Variants in CHRM3 observed in about 807,000 individuals in gnomAD.
CHRM3 encodes muscarinic acetylcholine receptor M3.
CHRM3 carries 11 observed loss-of-function variants against 41.8 expected under a neutral mutation model. The observed-to-expected ratio is 0.26, with a 90% CI of 0.17 to 0.44. CHRM3 has a LOEUF of 0.44. Among genes scored for constraint, CHRM3 ranks in the 20% least tolerant of loss-of-function variants. The pLI is 1.00. For missense variants in CHRM3, 571 were observed against 745.4 expected (o/e 0.77, Z 2.72); for synonymous variants, 297 against 301.4 (o/e 0.99, Z 0.15).
chr1:239,832,301 C>T (rs760100234), intron 6 of CHRM3, among the ~76,000 whole-genome samples: 7 of 152,158 alleles, frequency 4.6e-5, no homozygotes, highest in Admixed American at 2.0e-4. Flanking sequence ...CCACAGTGTG[C>T]AGAAAGCAAA....
intron 5 of CHRM3, among the ~76,000 whole-genome samples, chr1:239,801,253 T>C (rs913135432): frequency 3.3e-5 from 5 of 152,224 alleles, no homozygotes; most frequent in Non-Finnish European, 7.3e-5. Flanking sequence ...TGGCGTAGTT[T>C]ACCCCCAAAT....
chr1:239,657,056 G>A (rs1672778533), intron 4 of CHRM3, among the ~76,000 whole-genome samples: 1 of 152,126 alleles, frequency 6.6e-6, no homozygotes, highest in Non-Finnish European at 1.5e-5. Flanking sequence ...ATGCTATACT[G>A]GTACAAGGAA....
chr1:239,549,766 C>T (rs544602341), intron 3 of CHRM3, among the ~76,000 whole-genome samples: 21 of 151,690 alleles, frequency 1.4e-4, no homozygotes, highest in African/African-American at 2.2e-4. Flanking sequence ...AGCAGAATGA[C>T]GCATTTCATT....
intron 5 of CHRM3, among the ~76,000 whole-genome samples, chr1:239,813,111 C>A (rs975503803): frequency 2.6e-5 from 4 of 152,148 alleles, no homozygotes; most frequent in African/African-American, 9.7e-5. Flanking sequence ...AACCTCATCT[C>A]TACTAAAAAT....
At chr1:239,690,265 A>G (rs1659584982) in intron 5 of CHRM3, among the ~76,000 whole-genome samples, 1 of 152,044 alleles carries the variant, frequency 6.6e-6, no homozygotes, top group Admixed American at 6.6e-5. Flanking sequence ...TCTCTCTGTC[A>G]CCAGGCTGGA....
At chr1:239,815,281 T>C (rs1364221139) in intron 5 of CHRM3, among the ~76,000 whole-genome samples, 2 of 152,214 alleles carry the variant, frequency 1.3e-5, no homozygotes, top group African/African-American at 4.8e-5. Flanking sequence ...CATATCAAAA[T>C]GTACCCATTC....
intron 6 of CHRM3, among the ~76,000 whole-genome samples, chr1:239,855,864 T>C (rs900682512): frequency 1.3e-5 from 2 of 152,208 alleles, no homozygotes; most frequent in Non-Finnish European, 2.9e-5. Flanking sequence ...CATATTTATT[T>C]GATGCATTTC....
rs180970781 is a variant in CHRM3, at chr1:239,574,981, A to G, written c.-313+29232A>G. 4.6e-5 allele frequency among the ~76,000 whole-genome samples: 7 copies of G among 152,320 alleles called. No individual in the cohort carries two copies. In the East Asian group the frequency reaches 1.4e-3, roughly 29 times the overall value. ...CAATGATTTGGCTCTAATGTTGCCAACAGAATAGACGGCACCATTTCAAGA... is the reference window on the plus strand; with the variant it reads ...CAATGATTTGGCTCTAATGTTGCCAGCAGAATAGACGGCACCATTTCAAGA... On this transcript the variant is annotated intron_variant, in intron 3 of 6. Coordinates refer to ENST00000676153, the MANE Select transcript of CHRM3 (RefSeq NM_001375978.1).
chr1:239,722,522 G>A (rs967753622), intron 5 of CHRM3, among the ~76,000 whole-genome samples: 1 of 151,920 alleles, frequency 6.6e-6, no homozygotes, highest in African/African-American at 2.4e-5. Flanking sequence ...TATAGGAGTT[G>A]TGACTTTGGT....
chr1:239,754,175 C>T (rs1039261397), intron 5 of CHRM3, among the ~76,000 whole-genome samples: 2 of 152,158 alleles, frequency 1.3e-5, no homozygotes, highest in African/African-American at 4.8e-5. Flanking sequence ...TATATGCAAA[C>T]GTGTTTCAAT....
intron 6 of CHRM3, among the ~76,000 whole-genome samples, chr1:239,858,521 GAAAAA>G (rs35735156): frequency 4.2e-5 from 6 of 143,714 alleles, no homozygotes; most frequent in Non-Finnish European, 6.0e-5. Flanking sequence ...TTTTCATTTG[GAAAAA>G]AAAAAAAAAA....
rs1044772449 is a variant in CHRM3 at position 239,454,476 on chromosome 1, C to CT, written c.-520-38223dup. Among the ~76,000 whole-genome samples, 460 of 144,828 alleles carry CT rather than the reference C, an allele frequency of 3.2e-3. 1 individual carries two copies. Among genetic ancestry groups the CT allele is most frequent in the African/African-American group, 7.6e-3 (301 of 39,740 alleles). ...CTCTGAGCCCTGTCCTTTTTTTTTTCTTTTTTTTTTATGGAGGCTTCATTA... is the reference window on the plus strand; with the variant it reads ...CTCTGAGCCCTGTCCTTTTTTTTTTCTTTTTTTTTTTATGGAGGCTTCATTA... On this transcript the variant is annotated intron_variant, in intron 1 of 6. Coordinates refer to ENST00000676153, the MANE Select transcript of CHRM3 (RefSeq NM_001375978.1).
At chr1:239,807,328 A>T (rs1670734876) in intron 5 of CHRM3, among the ~76,000 whole-genome samples, 1 of 152,234 alleles carries the variant, frequency 6.6e-6, no homozygotes, top group South Asian at 2.1e-4. Context: ...TATGGCAAGA[A>T]TAATGTTTAC....
intron 2 of CHRM3, among the ~76,000 whole-genome samples, chr1:239,518,317 A>G (rs1421055181): frequency 6.6e-6 from 1 of 152,234 alleles, no homozygotes; most frequent in Non-Finnish European, 1.5e-5. Flanking sequence ...AATCAAATGA[A>G]TGTGAGTTTG....
chr1:239,866,308 C>T (rs1269205901), intron 6 of CHRM3, among the ~76,000 whole-genome samples: 1 of 151,804 alleles, frequency 6.6e-6, no homozygotes, highest in African/African-American at 2.4e-5. Flanking sequence ...ACCCGGGAGG[C>T]GGAGCTTGCA....
At chr1:239,868,162 G>A (rs1016547503) in intron 6 of CHRM3, among the ~76,000 whole-genome samples, 3 of 152,220 alleles carry the variant, frequency 2.0e-5, no homozygotes, top group East Asian at 3.8e-4. Flanking sequence ...TATTGTGTGG[G>A]TGAGACATTA....
intron 1 of CHRM3, among the ~76,000 whole-genome samples, chr1:239,468,206 C>T (rs1004314150): frequency 6.6e-6 from 1 of 152,258 alleles, no homozygotes; most frequent in South Asian, 2.1e-4. Flanking sequence ...TAGACTCTCA[C>T]TGGCACTTCT....
chr1:239,504,538 A>G (rs1188176923), intron 2 of CHRM3, among the ~76,000 whole-genome samples: 1 of 152,214 alleles, frequency 6.6e-6, no homozygotes, highest in Non-Finnish European at 1.5e-5. Flanking sequence ...TAGAACTCTC[A>G]TTTGATCCAG....
At chr1:239,701,562 A>G (rs1290362803) in intron 5 of CHRM3, among the ~76,000 whole-genome samples, 1 of 152,198 alleles carries the variant, frequency 6.6e-6, no homozygotes, top group Non-Finnish European at 1.5e-5. Context: ...TGTGCCAGTA[A>G]TTACCTAGCT....
Sources: allele counts gnomAD v4.1 joint callset (sites outside exome capture counted in the v4.1 genomes callset), GRCh38; gene constraint gnomAD v4.1.1; transcripts MANE v1.5; gene names NCBI Gene and HGNC (gene_info 2026-07-23, HGNC 2026-07-21).